Variants in DGKB observed in about 807,000 individuals in gnomAD.
The protein encoded by DGKB is 90 kDa diacylglycerol kinase.
A neutral mutation model predicts 114.3 loss-of-function variants in DGKB; 67 were observed. The ratio of observed to expected loss-of-function variants is 0.59; its 90% CI spans 0.48 to 0.72. DGKB has a LOEUF of 0.72. Among genes scored for constraint, DGKB ranks in the 30% least tolerant of loss-of-function variants. The pLI is 0.00. For synonymous variants in DGKB, 398 were observed against 323.1 expected (o/e 1.23, Z -2.49); for missense variants, 907 against 975.2 (o/e 0.93, Z 0.93).
At chr7:14,761,377 A>T (rs549171842) in intron 2 of DGKB, among the ~76,000 whole-genome samples, 74 of 152,312 alleles carry the variant, frequency 4.9e-4, no homozygotes, top group African/African-American at 1.8e-3. Flanking sequence ...AGGTTGTGAA[A>T]ATCCTACTGC....
intron 2 of DGKB, among the ~76,000 whole-genome samples, chr7:14,831,012 C>T (rs1350195476): frequency 6.6e-6 from 1 of 151,864 alleles, no homozygotes; most frequent in Non-Finnish European, 1.5e-5. Flanking sequence ...GACTATTTTT[C>T]ATGGCTAGGT....
chr7:14,744,424 C>G (rs1832976208), intron 4 of DGKB, among the ~76,000 whole-genome samples: 1 of 152,172 alleles, frequency 6.6e-6, no homozygotes, highest in Non-Finnish European at 1.5e-5. Flanking sequence ...CATACCTTGT[C>G]TACACAGTCC....
At position 14,269,975 on chromosome 7, in the gene DGKB, T is replaced by C. The variant is rs2068282; in HGVS notation, c.2122+68540A>G. Among the ~76,000 whole-genome samples, 1,278 of 146,870 alleles carry C rather than the reference T, an allele frequency of 8.7e-3. 18 individuals are homozygous for C. Among genetic ancestry groups the C allele is most frequent in the African/African-American group, 0.031 (1,232 of 39,618 alleles). Reference sequence around the variant, plus strand: ...AGTAGGTACCTTGGCAAGATTAAAATGTACTGACCTTTCTCAATTGAGGGT... The same window carrying C: ...AGTAGGTACCTTGGCAAGATTAAAACGTACTGACCTTTCTCAATTGAGGGT... On this transcript the variant is annotated intron_variant, in intron 23 of 25. Coordinates refer to ENST00000402815, the MANE Select transcript of DGKB (RefSeq NM_001350709.2).
chr7:14,149,701 G>C (rs1287830543), intron 25 of DGKB, among the ~76,000 whole-genome samples: 1 of 152,128 alleles, frequency 6.6e-6, no homozygotes, highest in African/African-American at 2.4e-5. Flanking sequence ...TTGCTAATCA[G>C]ATTGTTTCTC....
At chr7:14,446,404 G>A (rs931305469) in intron 21 of DGKB, among the ~76,000 whole-genome samples, 2 of 151,956 alleles carry the variant, frequency 1.3e-5, no homozygotes, top group Non-Finnish European at 2.9e-5. Flanking sequence ...TACTCTTTAG[G>A]AGTGATACAA....
At position 14,462,873 on chromosome 7, in the gene DGKB, G is replaced by T. The variant is rs528548687; in HGVS notation, c.1835+15288C>A. ...AAGGCTACAGTAACCAAAACAGCATGGTACTGGTACCAAAACAGATATATA... is the reference window on the plus strand; with the variant it reads ...AAGGCTACAGTAACCAAAACAGCATTGTACTGGTACCAAAACAGATATATA... On this transcript the variant is annotated intron_variant, in intron 21 of 25. Transcript: ENST00000402815. 1.1e-3 allele frequency among the ~76,000 whole-genome samples: 174 copies of T among 152,194 alleles called. 1 individual carries two copies. Among genetic ancestry groups the T allele is most frequent in the African/African-American group, 4.1e-3 (169 of 41,546 alleles).
intron 21 of DGKB, among the ~76,000 whole-genome samples, chr7:14,377,444 C>T (rs1563055526): frequency 6.6e-6 from 1 of 152,066 alleles, no homozygotes; most frequent in African/African-American, 2.4e-5. Context: ...TCTTGTTAAA[C>T]TTTTTTTGAT....
intron 2 of DGKB, among the ~76,000 whole-genome samples, chr7:14,776,600 T>C (rs1838234890): frequency 1.3e-5 from 2 of 152,298 alleles, no homozygotes; most frequent in East Asian, 1.9e-4. Context: ...TTAGCTTCCA[T>C]GTGGTGTTGG....
At chr7:14,833,932 G>T (rs1846780493) in intron 2 of DGKB, among the ~76,000 whole-genome samples, 1 of 152,258 alleles carries the variant, frequency 6.6e-6, no homozygotes, top group South Asian at 2.1e-4. Flanking sequence ...GTAACATTCA[G>T]AGAATGCATT....
At chr7:14,927,645 C>T (rs1030221082) in intron 1 of DGKB, among the ~76,000 whole-genome samples, 2 of 151,916 alleles carry the variant, frequency 1.3e-5, no homozygotes, top group Non-Finnish European at 1.5e-5. Flanking sequence ...TTGTTTTCTG[C>T]TTTTTATGAA....
chr7:14,207,071 T>C (rs576174733), intron 23 of DGKB, among the ~76,000 whole-genome samples: 23 of 152,196 alleles, frequency 1.5e-4, no homozygotes, highest in East Asian at 5.8e-4. Context: ...AGGTTGATCA[T>C]GTTTTCTTGC....
intron 21 of DGKB, among the ~76,000 whole-genome samples, chr7:14,370,718 A>T (rs1243347714): frequency 6.6e-6 from 1 of 152,038 alleles, no homozygotes; most frequent in Non-Finnish European, 1.5e-5. Context: ...TGTCTGTTAC[A>T]TGGGTATATT....
chr7:14,914,506 G>T (rs1353220933), intron 1 of DGKB, among the ~76,000 whole-genome samples: 2 of 152,074 alleles, frequency 1.3e-5, no homozygotes, highest in African/African-American at 2.4e-5. Context: ...CAAATATTAA[G>T]TACAACCCTC....
At chr7:14,694,394 T>A (rs112734878) in intron 8 of DGKB, among the ~76,000 whole-genome samples, 200 bp from the exon 9 acceptor site, 36 of 152,344 alleles carry the variant, frequency 2.4e-4, no homozygotes, top group African/African-American at 8.7e-4. Flanking sequence ...CACTGATCAC[T>A]TTTTAGAAAT....
At chr7:14,491,782 G>T (rs544642483) in intron 20 of DGKB, among the ~76,000 whole-genome samples, 31 of 151,976 alleles carry the variant, frequency 2.0e-4, no homozygotes, top group African/African-American at 6.7e-4. Flanking sequence ...CTCATTCTTT[G>T]TTCTCAAGAA....
chr7:14,742,276 GA>G (rs1297759466), intron 4 of DGKB, among the ~76,000 whole-genome samples: 2 of 152,106 alleles, frequency 1.3e-5, no homozygotes, highest in Admixed American at 6.5e-5. Flanking sequence ...ATTGGCAAAT[GA>G]AAAATCTTAC....
chr7:14,198,411 C>T (rs947799055), intron 23 of DGKB, among the ~76,000 whole-genome samples: 16 of 152,082 alleles, frequency 1.1e-4, no homozygotes, highest in African/African-American at 3.6e-4. Context: ...AGACCCAAGA[C>T]GTTACTATCC....
At chr7:14,459,352 T>C (rs530195444) in intron 21 of DGKB, among the ~76,000 whole-genome samples, 1 of 151,932 alleles carries the variant, frequency 6.6e-6, no homozygotes, top group South Asian at 2.1e-4. Context: ...CAAAGAACCT[T>C]GAAAAAAGGT....
chr7:14,185,507 GA>G (rs968634023), intron 23 of DGKB, among the ~76,000 whole-genome samples: 2 of 151,020 alleles, frequency 1.3e-5, no homozygotes, highest in African/African-American at 4.9e-5. Context: ...CACAGAATTA[GA>G]AAAAAAAATT....
Sources: gnomAD v4.1 joint callset for allele counts (sites outside exome capture counted in the v4.1 genomes callset) on GRCh38, gnomAD v4.1.1 for gene constraint, MANE v1.5 for transcripts, NCBI Gene and HGNC (gene_info 2026-07-23, HGNC 2026-07-21) for gene names.